The following USH2A variants were observed in gnomAD, a reference collection of about 807,000 sequenced individuals.
USH2A encodes the protein Usher syndrome 2A (autosomal recessive, mild).
A neutral mutation model predicts 538.9 loss-of-function variants in USH2A; 443 were observed. The ratio of observed to expected loss-of-function variants is 0.82; its 90% CI spans 0.76 to 0.89. The LOEUF (loss-of-function observed/expected upper bound fraction) is 0.89, where lower values mean the gene tolerates loss of function less well. Among genes scored for constraint, USH2A ranks in the 40% least tolerant of loss-of-function variants. The probability of loss-of-function intolerance (pLI) is 0.00; values close to 1 mark genes in which losing one functional copy is unlikely to be tolerated. For missense variants in USH2A, 6,633 were observed against 6,324.8 expected (o/e 1.05, Z -1.65); for synonymous variants, 2,413 against 2,273.5 (o/e 1.06, Z -1.75).
At chr1:215,894,666 T>C (rs1489260428) in intron 40 of USH2A, among the ~76,000 whole-genome samples, 1 of 152,178 alleles carries the variant, frequency 6.6e-6, no homozygotes, top group Non-Finnish European at 1.5e-5. Context: ...GCAGCCAATA[T>C]TGAATCAGAG....
intron 37 of USH2A, among the ~76,000 whole-genome samples, chr1:215,948,899 A>G (rs1666825815): frequency 6.6e-6 from 1 of 152,168 alleles, no homozygotes; most frequent in Non-Finnish European, 1.5e-5. Flanking sequence ...TAAAGAAACC[A>G]TAATGTACGG....
intron 11 of USH2A, among the ~76,000 whole-genome samples, chr1:216,273,014 A>G (rs746968863): frequency 6.6e-6 from 1 of 152,072 alleles, no homozygotes; most frequent in African/African-American, 2.4e-5. Context: ...CAACACAACA[A>G]CAGCAAAGCC....
intron 38 of USH2A, among the ~76,000 whole-genome samples, chr1:215,904,527 T>C (rs1665583127): frequency 6.6e-6 from 1 of 152,112 alleles, no homozygotes; most frequent in African/African-American, 2.4e-5. Context: ...CTAGATTTAA[T>C]CCTTAGAGGC....
chr1:216,236,705 TA>T (rs1488318493), intron 13 of USH2A, among the ~76,000 whole-genome samples: 5 of 152,078 alleles, frequency 3.3e-5, no homozygotes, highest in Admixed American at 3.3e-4. Flanking sequence ...GAGAGGAGTG[TA>T]TATGGATCAG....
intron 47 of USH2A, among the ~76,000 whole-genome samples, chr1:215,825,560 G>C (rs932553674): frequency 6.6e-6 from 1 of 151,988 alleles, no homozygotes; most frequent in African/African-American, 2.4e-5. Context: ...ATTTTTGTTT[G>C]ACCAGAGAAA....
chr1:216,243,874 T>C (rs1448167861), intron 13 of USH2A, among the ~76,000 whole-genome samples: 2 of 152,184 alleles, frequency 1.3e-5, no homozygotes, highest in African/African-American at 4.8e-5. Context: ...CATATGGTCT[T>C]CAGAAAAAAG....
At chr1:216,410,399 CA>C (rs1374474666) in intron 3 of USH2A, among the ~76,000 whole-genome samples, 1 of 151,960 alleles carries the variant, frequency 6.6e-6, no homozygotes, top group Admixed American at 6.6e-5. Context: ...GACGCATGCA[CA>C]TGTATATTCG....
chr1:216,063,868 C>T (rs1432952555), intron 30 of USH2A, among the ~76,000 whole-genome samples: 6 of 152,160 alleles, frequency 3.9e-5, no homozygotes, highest in Non-Finnish European at 5.9e-5. Flanking sequence ...TATTTCTGGT[C>T]ACAAAACATC....
chr1:215,780,173 T>C (rs1468310000), intron 54 of USH2A, 132 bp from the exon 55 acceptor site: 7 of 1,030,858 alleles, frequency 6.8e-6, no homozygotes, highest in Non-Finnish European at 4.3e-6. Context: ...GAGAAGCATT[T>C]CCCTTTTTTT....
chr1:215,863,773 G>A (rs1166078605), intron 44 of USH2A, among the ~76,000 whole-genome samples: 3 of 151,950 alleles, frequency 2.0e-5, no homozygotes, highest in Admixed American at 1.3e-4. Context: ...CCATTAATTC[G>A]AGACTAACCT....
intron 49 of USH2A, among the ~76,000 whole-genome samples, chr1:215,810,321 G>T (rs1017026415): frequency 2.0e-5 from 3 of 151,994 alleles, no homozygotes; most frequent in Non-Finnish European, 2.9e-5. Flanking sequence ...TCATTTTTAA[G>T]AAAAATGTTA....
intron 37 of USH2A, among the ~76,000 whole-genome samples, chr1:215,958,880 C>G (rs1006339134): frequency 2.6e-5 from 4 of 152,018 alleles, no homozygotes; most frequent in African/African-American, 9.7e-5. Context: ...TTACCCCTAG[C>G]AACTGTTGGA....
chr1:215,776,779 A>G (rs1292009195), intron 55 of USH2A, among the ~76,000 whole-genome samples: 2 of 152,184 alleles, frequency 1.3e-5, no homozygotes, highest in African/African-American at 4.8e-5. Flanking sequence ...TCACACCATA[A>G]AATACTTCAG....
intron 37 of USH2A, among the ~76,000 whole-genome samples, chr1:215,948,533 A>G (rs1666816297): frequency 6.6e-6 from 1 of 151,620 alleles, no homozygotes. Context: ...GAATTTTATG[A>G]TGCTCATTGT....
chr1:216,257,778 T>A lies in USH2A; in HGVS notation c.1972-6680A>T, dbSNP rs566237056. 2.0e-5 allele frequency among the ~76,000 whole-genome samples: 3 copies of A among 152,148 alleles called. 1 individual carries two copies. The South Asian group carries it at 6.2e-4, about 32-fold the overall frequency. ...CTGTTTCATTTTGGATAGGTTATATTGCTATGACTTCAAGTTCACTAATTT... is the reference window on the plus strand; with the variant it reads ...CTGTTTCATTTTGGATAGGTTATATAGCTATGACTTCAAGTTCACTAATTT... On this transcript the variant is annotated intron_variant, in intron 11 of 71. Coordinates refer to ENST00000307340, the MANE Select transcript of USH2A (RefSeq NM_206933.4).
intron 61 of USH2A, among the ~76,000 whole-genome samples, chr1:215,711,300 A>T (rs1218120927): frequency 6.6e-6 from 1 of 152,156 alleles, no homozygotes; most frequent in Non-Finnish European, 1.5e-5. Flanking sequence ...TGCGACTTGG[A>T]GTTGAACTGA....
chr1:216,234,100 G>T (rs1383889985), intron 13 of USH2A, among the ~76,000 whole-genome samples: 1 of 152,176 alleles, frequency 6.6e-6, no homozygotes, highest in African/African-American at 2.4e-5. Context: ...TGAGCAAAAA[G>T]TGAATCTATT....
chr1:215,639,189 C>G lies in USH2A; in HGVS notation c.15018G>C (p.Thr5006=). The change falls in exon 69 of 72, where the codon ACG becomes ACC. Residue 5006 remains threonine (T), a synonymous_variant. Coordinates refer to ENST00000307340, the MANE Select transcript of USH2A (RefSeq NM_206933.4). ...ICTTDEGSVK[T]PLIQYDTSTG... is the part of the protein sequence containing the mutation. ...TAGAGGTATCATATTGGATCAACGG[C>G]GTCTTAACACTTCCTTCGTCAGTCG... The G allele has an allele frequency of 3.7e-6, 6 of 1,614,048 alleles. No individual in the cohort carries two copies. The highest frequency in any genetic ancestry group is 4.2e-6 in the Non-Finnish European group (5 of 1,179,990).
At chr1:216,120,219 C>CAAAAAAAAAAAAAAAAAAA (rs10525093) in intron 21 of USH2A, among the ~76,000 whole-genome samples, 5 of 100,068 alleles carry the variant, frequency 5.0e-5, no homozygotes, top group South Asian at 4.1e-4. Flanking sequence ...TACTAAATAG[C>CAAAAAAAAAAAAAAAAAAA]AAAAAAAAAA....
Sources: gnomAD v4.1 joint callset for allele counts (sites outside exome capture counted in the v4.1 genomes callset) on GRCh38, gnomAD v4.1.1 for gene constraint, MANE v1.5 for transcripts, NCBI Gene and HGNC (gene_info 2026-07-23, HGNC 2026-07-21) for gene names.